The following LRRK2 variants were observed in gnomAD, a reference collection of about 807,000 sequenced individuals.
The protein encoded by LRRK2 is leucine-rich repeat serine/threonine-protein kinase 2.
A neutral mutation model predicts 302.6 loss-of-function variants in LRRK2; 203 were observed. The observed-to-expected ratio is 0.67, with a 90% CI of 0.60 to 0.75. The LOEUF is 0.75. Among genes scored for constraint, LRRK2 ranks in the 30% least tolerant of loss-of-function variants. The pLI is 0.00. For synonymous variants in LRRK2, 1,066 were observed against 1,031.9 expected (o/e 1.03, Z -0.63); for missense variants, 2,830 against 2,951.0 (o/e 0.96, Z 0.95).
chr12:40,241,665 A>G (rs1451805044), intron 6 of LRRK2, among the ~76,000 whole-genome samples: 1 of 152,240 alleles, frequency 6.6e-6, no homozygotes, highest in Non-Finnish European at 1.5e-5. Context: ...AAAATCACTG[A>G]CAGGATTATT....
chr12:40,355,488 A>ATTCC (rs1214761514), intron 45 of LRRK2, among the ~76,000 whole-genome samples: 18 of 130,376 alleles, frequency 1.4e-4, no homozygotes, highest in African/African-American at 4.7e-4. Flanking sequence ...ACACTGGGGA[A>ATTCC]TTCCTTCCTT....
intron 50 of LRRK2, chr12:40,367,438 A>T: frequency 2.3e-6 from 1 of 432,720 alleles, no homozygotes; most frequent in Non-Finnish European, 4.0e-6. Context: ...TTGATACTCT[A>T]TTTGAAATTT....
At chr12:40,230,838 A>G (rs1007006356) in intron 2 of LRRK2, among the ~76,000 whole-genome samples, 1 of 152,126 alleles carries the variant, frequency 6.6e-6, no homozygotes, top group African/African-American at 2.4e-5. Context: ...GTAAAGAGCA[A>G]CTTAGTCAAG....
intron 39 of LRRK2, among the ~76,000 whole-genome samples, chr12:40,330,874 T>A (rs1164539981): frequency 6.6e-6 from 1 of 152,212 alleles, no homozygotes; most frequent in Non-Finnish European, 1.5e-5. Context: ...GTTTCTAATA[T>A]TTTTTAGAAT....
chr12:40,330,518 G>T (rs1945682715), intron 39 of LRRK2, among the ~76,000 whole-genome samples: 2 of 151,996 alleles, frequency 1.3e-5, no homozygotes, highest in African/African-American at 4.8e-5. Context: ...TGTGTAGGTT[G>T]TTTTTCATTC....
chr12:40,264,046 A>C, intron 14 of LRRK2, 145 bp downstream of exon 14: 1 of 634,384 alleles, frequency 1.6e-6, no homozygotes, highest in Non-Finnish European at 2.9e-6. Flanking sequence ...ATAAGATGAC[A>C]GTGGGGATGT....
chr12:40,302,001 A>G (rs907840737), intron 25 of LRRK2, among the ~76,000 whole-genome samples: 1 of 152,008 alleles, frequency 6.6e-6, no homozygotes, highest in Admixed American at 6.6e-5. Context: ...ACATGGTGAA[A>G]CCCCATCTCT....
chr12:40,320,700 T>C (rs1945377093), intron 34 of LRRK2, among the ~76,000 whole-genome samples: 1 of 152,082 alleles, frequency 6.6e-6, no homozygotes, highest in Admixed American at 6.6e-5. Context: ...CAGCCAATTT[T>C]AAAAATAAAT....
intron 2 of LRRK2, among the ~76,000 whole-genome samples, chr12:40,230,596 A>G (rs1941128974): frequency 2.7e-5 from 4 of 150,790 alleles, no homozygotes; most frequent in African/African-American, 7.3e-5. Context: ...TTTCTATTAT[A>G]TTGGTATTTA....
chr12:40,336,318 T>C (rs1321544371), intron 40 of LRRK2, among the ~76,000 whole-genome samples: 1 of 152,208 alleles, frequency 6.6e-6, no homozygotes, highest in Non-Finnish European at 1.5e-5. Context: ...GCAGAGAGGA[T>C]GTCCGCAACG....
chr12:40,348,321 A>C, intron 42 of LRRK2, 88 bp from the exon 43 acceptor site: 1 of 877,394 alleles, frequency 1.1e-6, no homozygotes, highest in Non-Finnish European at 1.9e-6. Context: ...TTTTCTTTGC[A>C]ATGTCTGGAC....
intron 18 of LRRK2, among the ~76,000 whole-genome samples, chr12:40,279,786 A>G (rs777615208): frequency 5.9e-5 from 9 of 152,212 alleles, no homozygotes; most frequent in Non-Finnish European, 5.9e-5. Flanking sequence ...TTAAAACGAA[A>G]TCTTAAATCC....
At chr12:40,229,806 C>A (rs768566210) in intron 2 of LRRK2, among the ~76,000 whole-genome samples, 147 of 152,314 alleles carry the variant, frequency 9.7e-4, no homozygotes, top group Non-Finnish European at 1.3e-3. Context: ...TATTTAATCA[C>A]AGAAGTTCCA....
At chr12:40,306,066 T>G in intron 28 of LRRK2, 100 bp downstream of exon 28, 2 of 910,484 alleles carry the variant, frequency 2.2e-6, no homozygotes, top group Admixed American at 5.2e-5. Context: ...TAGGGAAAAA[T>G]AAATAGTAAT....
chr12:40,323,457 G>T, intron 38 of LRRK2, 151 bp downstream of exon 38: 1 of 737,530 alleles, frequency 1.4e-6, no homozygotes, highest in African/African-American at 1.8e-5. Flanking sequence ...TATTTTAAAG[G>T]AATATAATAT....
chr12:40,309,193 C>T lies in LRRK2; in HGVS notation c.4277C>T (p.Ala1426Val), dbSNP rs1944944894. ...GTCTATGACCTCAGCAAGGGACAGG[C>T]TGAAGTTGATGCCATGAAGCCTTGG... ...LAVYDLSKGQ[A>V]EVDAMKPWLF... is the part of the protein sequence containing the mutation. Residue 1426 changes from alanine to valine, a missense_variant, in exon 30 of 51, where the codon GCT becomes GTT. Ala to Val is a moderately conservative substitution (Grantham distance 64, BLOSUM62 0). Around this residue, in one of 3 missense-constraint regions of LRRK2, gnomAD observed 2,121 missense variants for 2,148.0 expected, o/e 0.99. Transcript: ENST00000298910. 6.2e-7 allele frequency: 1 copy of T among 1,613,734 alleles called. No individual in the cohort carries two copies. Among genetic ancestry groups the T allele is most frequent in the Non-Finnish European group, 8.5e-7 (1 of 1,179,926 alleles).
intron 31 of LRRK2, among the ~76,000 whole-genome samples, chr12:40,311,926 A>G (rs1945048727): frequency 6.6e-6 from 1 of 151,632 alleles, no homozygotes; most frequent in Admixed American, 6.6e-5. Context: ...AAACAAATAC[A>G]CAAAATTTAT....
intron 41 of LRRK2, among the ~76,000 whole-genome samples, chr12:40,345,622 CAAAAAAAAA>C (rs144415226): frequency 1.5e-5 from 1 of 67,510 alleles, no homozygotes; most frequent in African/African-American, 6.3e-5. Flanking sequence ...GACTCCATCT[CAAAAAAAAA>C]AAAAAAAAAA....
intron 2 of LRRK2, among the ~76,000 whole-genome samples, chr12:40,227,168 G>T (rs573219333): frequency 6.5e-4 from 99 of 152,258 alleles, no homozygotes; most frequent in African/African-American, 2.2e-3. Flanking sequence ...TTTTTTAAAA[G>T]TAATTAATTA....
Sources: allele counts gnomAD v4.1 joint callset (sites outside exome capture counted in the v4.1 genomes callset), GRCh38; gene constraint gnomAD v4.1.1; regional missense constraint gnomAD v4.1.1; transcripts MANE v1.5; gene names NCBI Gene and HGNC (gene_info 2026-07-23, HGNC 2026-07-21).